The following ANKFN1 variants were observed in gnomAD, a reference collection of about 807,000 sequenced individuals.
ANKFN1 encodes ankyrin repeat and fibronectin type-III domain-containing protein 1.
ANKFN1 carries 74 observed loss-of-function variants against 108.7 expected under a neutral mutation model. That is an observed-to-expected ratio of 0.68 (90% CI 0.56 to 0.83). The LOEUF (loss-of-function observed/expected upper bound fraction) is 0.83. ANKFN1 is among the 40% of genes least tolerant of loss of function. ANKFN1 has a pLI of 0.00. For synonymous variants in ANKFN1, 547 were observed against 516.2 expected, an observed-to-expected ratio of 1.06 and a Z score of -0.81; for missense variants, 1,505 against 1,382.3, an observed-to-expected ratio of 1.09 and a Z score of -1.41.
At chr17:56,272,717 T>C (rs2043824433) in intron 3 of ANKFN1, among the ~76,000 whole-genome samples, 1 of 152,216 alleles carries the variant, frequency 6.6e-6, no homozygotes, top group African/African-American at 2.4e-5. Context: ...ATTAATTCTA[T>C]TTTTAAGTTT....
intron 4 of ANKFN1, among the ~76,000 whole-genome samples, chr17:56,058,746 C>G (rs1904923497): frequency 2.0e-5 from 3 of 152,164 alleles, no homozygotes; most frequent in Non-Finnish European, 2.9e-5. Context: ...CATCCACGTC[C>G]CTGCAAAGGA....
rs140126114 is a variant in ANKFN1, at chr17:56,234,107, C to G, written c.53+6150C>G. On this transcript the variant is annotated intron_variant, in intron 3 of 20. Transcript: ENST00000682825. Reference sequence around the variant, plus strand: ...AATCAACAAAACAATAAATCAAGACCTGGTTGGTAGCATTTGCCAATTTCT... The same window carrying G: ...AATCAACAAAACAATAAATCAAGACGTGGTTGGTAGCATTTGCCAATTTCT... 1.9e-4 allele frequency among the ~76,000 whole-genome samples: 29 copies of G among 152,174 alleles called. No individual in the cohort carries two copies. In the East Asian group the frequency reaches 5.2e-3, roughly 27 times the overall value.
chr17:56,364,799 GGT>G (rs2046618301), intron 6 of ANKFN1, among the ~76,000 whole-genome samples: 2 of 152,150 alleles, frequency 1.3e-5, no homozygotes, highest in Admixed American at 1.3e-4. Flanking sequence ...CCCATGTCTG[GGT>G]GTAATAAGTT....
intron 4 of ANKFN1, among the ~76,000 whole-genome samples, chr17:56,103,228 A>G (rs1905681804): frequency 6.6e-6 from 1 of 152,186 alleles, no homozygotes; most frequent in Non-Finnish European, 1.5e-5. Flanking sequence ...CATGCTATGT[A>G]TCCTGCCTAG....
intron 1 of ANKFN1, among the ~76,000 whole-genome samples, chr17:56,198,569 T>C (rs1913736046): frequency 1.3e-5 from 2 of 152,242 alleles, no homozygotes; most frequent in Admixed American, 6.5e-5. Context: ...TGGGGACCCC[T>C]GAGCTAAACA....
intron 4 of ANKFN1, among the ~76,000 whole-genome samples, chr17:56,340,730 G>A (rs1368810697): frequency 6.6e-6 from 1 of 152,046 alleles, no homozygotes; most frequent in Non-Finnish European, 1.5e-5. Context: ...TCAAAGTTGG[G>A]TAGCATGCTG....
intron 3 of ANKFN1, among the ~76,000 whole-genome samples, chr17:56,237,143 G>A (rs1348039855): frequency 1.3e-5 from 2 of 152,154 alleles, no homozygotes; most frequent in Non-Finnish European, 2.9e-5. Context: ...TTTTTAATAT[G>A]CTGCTGGATT....
At chr17:56,278,115 C>T (rs1298991888) in intron 3 of ANKFN1, among the ~76,000 whole-genome samples, 10 of 152,216 alleles carry the variant, frequency 6.6e-5, no homozygotes, top group Admixed American at 6.5e-4. Flanking sequence ...ATAAAAGCCC[C>T]TTTGAATTAC....
chr17:56,472,868 A>G (rs1316049416), intron 15 of ANKFN1: 1 of 152,200 alleles, frequency 6.6e-6, no homozygotes, highest in Non-Finnish European at 1.5e-5. Flanking sequence ...GGAAAAAAAG[A>G]AAGAGAGAGA....
intron 10 of ANKFN1, among the ~76,000 whole-genome samples, chr17:56,446,348 A>T (rs796858093): frequency 2.6e-4 from 40 of 152,342 alleles, no homozygotes; most frequent in African/African-American, 7.7e-4. Context: ...CTTCAGATGC[A>T]TTCATCCAAC....
At chr17:56,131,148 G>A (rs181520496) in intron 4 of ANKFN1, among the ~76,000 whole-genome samples, 2 of 152,130 alleles carry the variant, frequency 1.3e-5, no homozygotes, top group Non-Finnish European at 2.9e-5. Flanking sequence ...CAGATAAAGG[G>A]CAAATGGAAG....
chr17:56,252,656 T>C (rs977586536), intron 3 of ANKFN1, among the ~76,000 whole-genome samples: 5 of 151,428 alleles, frequency 3.3e-5, no homozygotes, highest in Admixed American at 2.6e-4. Flanking sequence ...TGCATGCCTG[T>C]AGTCCTGGCT....
At chr17:56,206,083 T>G (rs370808981) in intron 1 of ANKFN1, among the ~76,000 whole-genome samples, 20 of 152,208 alleles carry the variant, frequency 1.3e-4, no homozygotes, top group Admixed American at 3.3e-4. Context: ...TTAAAGCTGA[T>G]GAAGTTTATT....
intron 1 of ANKFN1, among the ~76,000 whole-genome samples, chr17:56,207,643 A>C (rs1914645312): frequency 6.6e-6 from 1 of 152,066 alleles, no homozygotes; most frequent in Non-Finnish European, 1.5e-5. Flanking sequence ...CTCTTTTCAG[A>C]CAAACTCAGC....
At chr17:56,409,241 C>T (rs2048016138) in intron 8 of ANKFN1, among the ~76,000 whole-genome samples, 1 of 152,030 alleles carries the variant, frequency 6.6e-6, no homozygotes, top group Non-Finnish European at 1.5e-5. Flanking sequence ...ATTTTTATGT[C>T]TGTGTCTTAT....
chr17:56,365,321 A>G (rs1234024233), intron 6 of ANKFN1, among the ~76,000 whole-genome samples: 1 of 152,216 alleles, frequency 6.6e-6, no homozygotes, highest in African/African-American at 2.4e-5. Flanking sequence ...ATGGAAGAAC[A>G]TAGAGTTATT....
chr17:56,175,066 C>T (rs763908319), intron 1 of ANKFN1, among the ~76,000 whole-genome samples: 1 of 152,120 alleles, frequency 6.6e-6, no homozygotes, highest in African/African-American at 2.4e-5. Context: ...CCTATATCCA[C>T]GTTTGTATTA....
At chr17:56,192,221 C>G (rs1273551879) in intron 1 of ANKFN1, among the ~76,000 whole-genome samples, 1 of 149,066 alleles carries the variant, frequency 6.7e-6, no homozygotes, top group East Asian at 2.0e-4. Context: ...AAACTGGATC[C>G]CTTCCTTACA....
chr17:56,442,686 C>CTA (rs1195172178), intron 9 of ANKFN1, among the ~76,000 whole-genome samples, 157 bp from the exon 10 acceptor site: 4 of 152,038 alleles, frequency 2.6e-5, no homozygotes, highest in Non-Finnish European at 4.4e-5. Flanking sequence ...TATAGATGGG[C>CTA]TATAGTTCTG....
Sources: allele counts gnomAD v4.1 joint callset (sites outside exome capture counted in the v4.1 genomes callset), GRCh38; gene constraint gnomAD v4.1.1; transcripts MANE v1.5; gene names NCBI Gene and HGNC (gene_info 2026-07-23, HGNC 2026-07-21).